The following NOL8 variants were observed in gnomAD, a reference collection of about 807,000 sequenced individuals.
NOL8 encodes nucleolar protein 8, also known as nucleolar protein Nop132.
NOL8 carries 93 observed loss-of-function variants against 116.1 expected under a neutral mutation model. The ratio of observed to expected loss-of-function variants is 0.80; its 90% confidence interval spans 0.68 to 0.95. NOL8 has a LOEUF of 0.95. Ranked by LOEUF, NOL8 falls within the 40% of genes least tolerant of loss-of-function variation. The pLI is 0.00. For synonymous variants in NOL8, 419 were observed against 469.0 expected (o/e 0.89, Z 1.38); for missense variants, 1,291 against 1,382.8 (o/e 0.93, Z 1.05).
In NOL8 at chr9:92,299,960, G is replaced by T. The variant is rs375437538; in HGVS notation, c.3232C>A (p.Arg1078Ser). ...TCTTCTGAACTGCTGTCTTGTAAAC[G>T]AGGGTCTTCCTGCCAGACAATCTTT... ...PGKIVWQEDP[R>S]LQDSSSEEED... Residue 1078 changes from arginine (R) to serine (S), a missense_variant, in exon 14 of 17, where the codon CGT (arginine) becomes AGT (serine). Arg to Ser is a moderately radical substitution (Grantham distance 110). Coordinates refer to ENST00000442668, the MANE Select transcript of NOL8 (RefSeq NM_017948.6). The T allele has an allele frequency of 1.2e-6, 2 of 1,613,448 alleles. No individual in the cohort carries two copies. The highest frequency in any genetic ancestry group is 3.3e-5 in the Admixed American group (2 of 60,010).
intron 12 of NOL8, among the ~76,000 whole-genome samples, chr9:92,303,573 C>G (rs1054889110): frequency 1.3e-5 from 2 of 152,110 alleles, no homozygotes; most frequent in Non-Finnish European, 1.5e-5. Context: ...TTGCCTGTCA[C>G]AGAAAAAGTT....
intron 6 of NOL8, among the ~76,000 whole-genome samples, chr9:92,318,243 C>T (rs1320139118): frequency 1.3e-5 from 2 of 152,050 alleles, no homozygotes; most frequent in East Asian, 3.9e-4. Flanking sequence ...TTCCTACTCC[C>T]AAGACTACTT....
At chr9:92,324,314 C>A in intron 1 of NOL8, 105 bp from the exon 2 acceptor site, 1 of 925,322 alleles carries the variant, frequency 1.1e-6, no homozygotes. Flanking sequence ...ATCTGTATTT[C>A]ACTTCCTATT....
intron 6 of NOL8, 138 bp downstream of exon 6, chr9:92,318,480 T>G (rs1187241125): frequency 3.1e-6 from 2 of 654,864 alleles, no homozygotes; most frequent in Admixed American, 6.7e-5. Flanking sequence ...GTTTCATACA[T>G]GTAGGTGAGT....
chr9:92,298,263 C>T lies in NOL8; in HGVS notation c.3447G>A (p.Leu1149=), dbSNP rs377211578. The part of the protein sequence containing the change: ...RNSWEARTTN[L]RMDCRKKHKD... The stretch of plus-strand genomic sequence containing the variant: ...TGGAGAAACAATTACTCACCATACG[C>T]AGGTTGGTTGTTCTGGCCTCCCAAG... Residue 1149 remains leucine, a synonymous_variant, in exon 16 of 17, where the codon CTG becomes CTA. Transcript: ENST00000442668. 3.1e-6 allele frequency: 5 copies of T among 1,603,670 alleles called. No individual in the cohort carries two copies. Among genetic ancestry groups the T allele is most frequent in the East Asian group, 4.5e-5 (2 of 44,784 alleles).
At chr9:92,307,488 T>C (rs539986676) in intron 10 of NOL8, among the ~76,000 whole-genome samples, 2 of 152,260 alleles carry the variant, frequency 1.3e-5, no homozygotes, top group South Asian at 4.1e-4. Context: ...TTTGATTCAA[T>C]AACAAGTATT....
chr9:92,301,818 C>G lies in NOL8; in HGVS notation c.2908G>C (p.Ala970Pro). 1 of 1,580,308 alleles carries G rather than the reference C, an allele frequency of 6.3e-7. No individual in the cohort carries two copies. The highest frequency in any genetic ancestry group is 8.6e-7 in the Non-Finnish European group (1 of 1,162,412). ...KRDDKPKESK[A>P]KRKKKREEAE... ...TCCTCCCTTTTCTTTTTTCGTTTTGCTTTACTGAAATGACATATGTAGACA... is the reference window on the plus strand; with the variant it reads ...TCCTCCCTTTTCTTTTTTCGTTTTGGTTTACTGAAATGACATATGTAGACA... The change falls in exon 13 of 17, where the codon GCA (alanine) becomes CCA (proline). Residue 970 changes from alanine to proline, a missense_variant. Coordinates refer to ENST00000442668, the MANE Select transcript of NOL8 (RefSeq NM_017948.6).
intron 7 of NOL8, 103 bp from the exon 8 acceptor site, chr9:92,311,362 A>T (rs1838775093): frequency 2.8e-6 from 2 of 706,766 alleles, no homozygotes; most frequent in Non-Finnish European, 2.4e-6. Context: ...ATCTAATTAA[A>T]CTAAAGAGCT....
Position 92,325,320 on chromosome 9 carries a change from A to G in NOL8, c.-63T>C, listed in dbSNP as rs1370963451. ...CCACTCCTCACCACGTCGTTCACCTAAAGCCAGCGCCGCTGCAGCCCCTAA... is the reference window on the plus strand; with the variant it reads ...CCACTCCTCACCACGTCGTTCACCTGAAGCCAGCGCCGCTGCAGCCCCTAA... On this transcript the variant is annotated 5_prime_UTR_variant, in exon 1 of 17. Coordinates refer to ENST00000442668, the MANE Select transcript of NOL8 (RefSeq NM_017948.6). 6.6e-6 allele frequency: 1 copy of G among 152,432 alleles called. No homozygotes were observed. Among genetic ancestry groups the G allele is most frequent in the Non-Finnish European group, 1.5e-5 (1 of 68,240 alleles). The allele number at this position is 152,432 out of a possible 1,614,324, so 9.4% of individuals were successfully genotyped here. A position where few individuals can be genotyped will look rare whatever the true frequency, so the allele number is the denominator to read the frequency against.
chr9:92,301,889 G>A, intron 12 of NOL8, 67 bp from the exon 13 acceptor site: 1 of 1,381,968 alleles, frequency 7.2e-7, no homozygotes, highest in Non-Finnish European at 9.6e-7. Flanking sequence ...CAGAAATCAA[G>A]AAAAGAAAAA....
chr9:92,303,191 C>G (rs930804425), intron 12 of NOL8, among the ~76,000 whole-genome samples: 5 of 151,926 alleles, frequency 3.3e-5, no homozygotes, highest in African/African-American at 9.7e-5. Context: ...CTCCAGAAGG[C>G]AAATGACATG....
rs1839675526 is a variant in NOL8, at chr9:92,318,964, G to A, written c.417+257C>T. 3 of 514,750 alleles carry A rather than the reference G, an allele frequency of 5.8e-6. No homozygotes were observed. The South Asian group carries it at 9.9e-5, about 17-fold the overall frequency. 31.9% of individuals were successfully genotyped at this position (514,750 alleles called of 1,614,324 possible). A position where few individuals can be genotyped will look rare whatever the true frequency, so the allele number is the denominator to read the frequency against. On this transcript the variant is annotated intron_variant, in intron 5 of 16. Coordinates refer to ENST00000442668, the MANE Select transcript of NOL8 (RefSeq NM_017948.6). The stretch of plus-strand genomic sequence containing the variant: ...GAACAGGCAAACTTGGGACCTGCCT[G>A]TATTCCTTGCTACCTATGTCCCTTG...
rs1839149582 is a variant in NOL8 at position 92,314,339 on chromosome 9, C to CA, written c.2285dup (p.Leu762PhefsTer20). The CA allele has an allele frequency of 6.2e-7, 1 of 1,610,480 alleles. No homozygotes were observed. The highest frequency in any genetic ancestry group is 8.5e-7 in the Non-Finnish European group (1 of 1,177,100). On this transcript the variant is annotated frameshift_variant, in exon 7 of 17. Coordinates refer to ENST00000442668, the MANE Select transcript of NOL8 (RefSeq NM_017948.6). LOFTEE classifies it high-confidence loss of function. ...CTTTTTGCCTCGCTTCCAAGGCTGC[C>CA]AAACGCTTCTCATTGTCTTCAGCAT...
At chr9:92,308,974 AAGTC>A (rs1463943944) in intron 10 of NOL8, 1 of 152,242 alleles carries the variant, frequency 6.6e-6, no homozygotes, top group Non-Finnish European at 1.5e-5. Context: ...TTGAGTGAGA[AAGTC>A]AAGTAGAATA....
Position 92,301,615 on chromosome 9 carries a change from G to C in NOL8, c.3111C>G (p.Asp1037Glu). ...EIQDPAALTS[D>E]AEQPSGFTFS... is the part of the protein sequence containing the mutation. ...ACGTGAACCCGCTGGGCTGCTCAGC[G>C]TCACTGGTCAGAGCTGCAGGGTCCT... is the stretch of plus-strand genomic sequence containing the variant. Residue 1037 changes from aspartate to glutamate, a missense_variant, in exon 13 of 17, where the codon GAC becomes GAG. Physicochemically the swap from Asp to Glu is conservative, Grantham distance 45. Coordinates refer to ENST00000442668, the MANE Select transcript of NOL8 (RefSeq NM_017948.6). 6.2e-7 allele frequency: 1 copy of C among 1,608,880 alleles called. No individual in the cohort carries two copies. Among genetic ancestry groups the C allele is most frequent in the Non-Finnish European group, 8.5e-7 (1 of 1,178,250 alleles).
chr9:92,316,351 CT>C (rs1839410598), intron 6 of NOL8, among the ~76,000 whole-genome samples: 2 of 152,130 alleles, frequency 1.3e-5, no homozygotes, highest in Non-Finnish European at 2.9e-5. Context: ...AGTACCACCA[CT>C]ATTAGTTGGC....
At chr9:92,313,170 C>T (rs906952203) in intron 7 of NOL8, among the ~76,000 whole-genome samples, 4 of 152,092 alleles carry the variant, frequency 2.6e-5, no homozygotes, top group Non-Finnish European at 5.9e-5. Flanking sequence ...CCAGTTATCA[C>T]CAAGTCCTAT....
At chr9:92,306,804 G>C in intron 11 of NOL8, 82 bp downstream of exon 11, 1 of 1,372,340 alleles carries the variant, frequency 7.3e-7, no homozygotes, top group South Asian at 1.4e-5. Context: ...GCCATTAAAA[G>C]AGACCTAGTT....
At chr9:92,300,798 A>G (rs755174103) in intron 13 of NOL8, 2 of 1,120,230 alleles carry the variant, frequency 1.8e-6, no homozygotes, top group South Asian at 1.9e-5. Context: ...AGCCTGGGTG[A>G]CAGAGACTCT....
Sources: allele counts gnomAD v4.1 joint callset (sites outside exome capture counted in the v4.1 genomes callset), GRCh38; gene constraint gnomAD v4.1.1; transcripts MANE v1.5; gene names NCBI Gene and HGNC (gene_info 2026-07-23, HGNC 2026-07-21).